Variants in KCNH8 observed in about 807,000 individuals in gnomAD.
The protein encoded by KCNH8 is potassium voltage-gated channel subfamily H member 8.
KCNH8 carries 70 observed loss-of-function variants against 103.6 expected under a neutral mutation model. The observed-to-expected ratio is 0.68, with a 90% CI of 0.56 to 0.82. The LOEUF (loss-of-function observed/expected upper bound fraction) is 0.82. Ranked by LOEUF, KCNH8 falls within the 40% of genes least tolerant of loss-of-function variation. KCNH8 has a pLI of 0.00. For missense variants in KCNH8, 1,217 were observed against 1,329.9 expected (o/e 0.92, Z 1.32); for synonymous variants, 498 against 489.4 (o/e 1.02, Z -0.23).
rs746247633 is a variant in KCNH8 at position 19,395,292 on chromosome 3, C to G, written c.1158C>G (p.Ser386Arg). 1.2e-6 allele frequency: 2 copies of G among 1,609,906 alleles called. No individual in the cohort carries two copies. Among genetic ancestry groups the G allele is most frequent in the African/African-American group, 2.7e-5 (2 of 74,678 alleles). The change falls in exon 7 of 16, where the codon AGC becomes AGG. Residue 386 changes from serine to arginine, a missense_variant. Physicochemically the swap from Ser to Arg is moderately radical, Grantham distance 110. Around this residue, in one of 3 missense-constraint regions of KCNH8, gnomAD observed 415 missense variants for 577.4 expected, o/e 0.72. Coordinates refer to ENST00000328405, the MANE Select transcript of KCNH8 (RefSeq NM_144633.3). ...GAAAAATGGAGAGGGAAGACAACAG[C>G]CTTCTGAAGTGGGAAGTTGGTAAGG... is the stretch of plus-strand genomic sequence containing the variant. ...VIGKMEREDN[S>R]LLKWEVGWLH... is the part of the protein sequence containing the mutation.
At chr3:19,496,405 T>A (rs7650681) in intron 11 of KCNH8, among the ~76,000 whole-genome samples, 1 of 152,198 alleles carries the variant, frequency 6.6e-6, no homozygotes, top group African/African-American at 2.4e-5. Flanking sequence ...TAACATGAAG[T>A]GATGTTGAAT....
At chr3:19,362,900 C>T (rs376554187) in intron 5 of KCNH8, among the ~76,000 whole-genome samples, 1 of 152,150 alleles carries the variant, frequency 6.6e-6, no homozygotes, top group Non-Finnish European at 1.5e-5. Flanking sequence ...GATCCTCCCC[C>T]CTTAGCCTCC....
At chr3:19,436,546 TTCA>T (rs1396097901) in intron 7 of KCNH8, among the ~76,000 whole-genome samples, 10 of 152,332 alleles carry the variant, frequency 6.6e-5, no homozygotes, top group Non-Finnish European at 1.3e-4. Context: ...ACCAGTTTTT[TTCA>T]TCATCATTAT....
intron 1 of KCNH8, among the ~76,000 whole-genome samples, chr3:19,247,151 A>T (rs1192302147): frequency 1.3e-5 from 2 of 152,218 alleles, no homozygotes; most frequent in Non-Finnish European, 2.9e-5. Flanking sequence ...TGTATAAATT[A>T]CAAGGACTAT....
chr3:19,251,797 T>C (rs1454653093), intron 1 of KCNH8, among the ~76,000 whole-genome samples: 1 of 152,174 alleles, frequency 6.6e-6, no homozygotes, highest in African/African-American at 2.4e-5. Flanking sequence ...CCTCTGCCTA[T>C]AGTTGCTCTC....
chr3:19,184,613 A>G (rs1048027512), intron 1 of KCNH8, among the ~76,000 whole-genome samples: 3 of 151,912 alleles, frequency 2.0e-5, no homozygotes, highest in Non-Finnish European at 2.9e-5. Context: ...GTTAAATTCT[A>G]TTGTAGTTGA....
intron 11 of KCNH8, among the ~76,000 whole-genome samples, chr3:19,484,090 A>C (rs2068149690): frequency 6.6e-6 from 1 of 152,082 alleles, no homozygotes; most frequent in Admixed American, 6.5e-5. Flanking sequence ...AAGATTATGC[A>C]TTTGGGCACC....
intron 3 of KCNH8, among the ~76,000 whole-genome samples, chr3:19,298,532 T>G (rs2065023547): frequency 6.6e-6 from 1 of 152,160 alleles, no homozygotes; most frequent in Non-Finnish European, 1.5e-5. Context: ...AAAAATCATG[T>G]GATGAGCTGG....
rs530398440 is a variant in KCNH8 at position 19,298,861 on chromosome 3, G to T, written c.442+17532G>T. Among the ~76,000 whole-genome samples the T allele has an allele frequency of 1.0e-3, 148 of 148,350 alleles. 1 individual carries two copies. Among genetic ancestry groups the T allele is most frequent in the Non-Finnish European group, 1.5e-3 (99 of 67,552 alleles). ...GGCGTGAACCCGGGAGGCGCAGCTT[G>T]CAGTGAGCCGAGATCGCGCCACTGC... On this transcript the variant is annotated intron_variant, in intron 3 of 15. Transcript: ENST00000328405.
chr3:19,416,042 TA>T (rs1424922233), intron 7 of KCNH8, among the ~76,000 whole-genome samples: 1 of 152,126 alleles, frequency 6.6e-6, no homozygotes, highest in Non-Finnish European at 1.5e-5. Context: ...CTTTCCTACG[TA>T]ATCTATTTAA....
In KCNH8 at chr3:19,535,305, T is replaced by G. The variant is rs1275105563; in HGVS notation, c.*1206T>G. On this transcript the variant is annotated 3_prime_UTR_variant, in exon 16 of 16. Transcript: ENST00000328405. ...CAATGGGTCAGCACTTTACCTTTTT[T>G]CTTTAAGGCTCCCAACAATGCTATA... 1 of 152,204 alleles carries G rather than the reference T, an allele frequency of 6.6e-6. No individual in the cohort carries two copies. Among genetic ancestry groups the G allele is most frequent in the Non-Finnish European group, 1.5e-5 (1 of 68,040 alleles). 9.4% of individuals were successfully genotyped at this position (152,204 alleles called of 1,614,324 possible). A position where few individuals can be genotyped will look rare whatever the true frequency, so the allele number is the denominator to read the frequency against.
chr3:19,249,728 C>T (rs951168781), intron 1 of KCNH8, among the ~76,000 whole-genome samples: 4 of 152,204 alleles, frequency 2.6e-5, no homozygotes, highest in African/African-American at 9.6e-5. Context: ...AAAATAGGCA[C>T]TATGTTGCTT....
At chr3:19,404,334 A>G (rs1349997862) in intron 7 of KCNH8, among the ~76,000 whole-genome samples, 1 of 151,956 alleles carries the variant, frequency 6.6e-6, no homozygotes, top group Admixed American at 6.6e-5. Context: ...TCAGCTTTCA[A>G]GGAATACTCT....
chr3:19,493,829 G>A (rs889639797), intron 11 of KCNH8, among the ~76,000 whole-genome samples: 1 of 152,014 alleles, frequency 6.6e-6, no homozygotes, highest in African/African-American at 2.4e-5. Flanking sequence ...AGTACATGAT[G>A]AACCATTAAT....
At chr3:19,507,054 C>A (rs1354203410) in intron 11 of KCNH8, among the ~76,000 whole-genome samples, 2 of 152,092 alleles carry the variant, frequency 1.3e-5, no homozygotes, top group Non-Finnish European at 2.9e-5. Flanking sequence ...AGAAACACAG[C>A]GCCCCTGCCA....
At chr3:19,316,768 T>C (rs1447268867) in intron 3 of KCNH8, among the ~76,000 whole-genome samples, 1 of 151,988 alleles carries the variant, frequency 6.6e-6, no homozygotes, top group Non-Finnish European at 1.5e-5. Context: ...GGGAACCCTA[T>C]GAATTAGCTG....
intron 2 of KCNH8, among the ~76,000 whole-genome samples, chr3:19,262,823 A>C (rs865989711): frequency 1.3e-5 from 2 of 152,180 alleles, no homozygotes; most frequent in Middle Eastern, 3.4e-3. Context: ...AGATCACACA[A>C]AATAAAAAGA....
chr3:19,207,955 A>G (rs573544451), intron 1 of KCNH8, among the ~76,000 whole-genome samples: 1 of 152,138 alleles, frequency 6.6e-6, no homozygotes, highest in South Asian at 2.1e-4. Context: ...TATGGATTTC[A>G]AGATTTAAAA....
At chr3:19,320,709 G>A (rs1423573849) in intron 3 of KCNH8, among the ~76,000 whole-genome samples, 3 of 151,836 alleles carry the variant, frequency 2.0e-5, no homozygotes, top group African/African-American at 7.2e-5. Flanking sequence ...GATTTAGGGA[G>A]GATTCCCTCT....
Sources: gnomAD v4.1 joint callset for allele counts (sites outside exome capture counted in the v4.1 genomes callset) on GRCh38, gnomAD v4.1.1 for gene constraint, gnomAD v4.1.1 regional missense constraint, MANE v1.5 for transcripts, NCBI Gene and HGNC (gene_info 2026-07-23, HGNC 2026-07-21) for gene names.